The following BTBD9 variants were observed in gnomAD, a reference collection of about 807,000 sequenced individuals.
BTBD9 encodes the protein BTB/POZ domain-containing protein 9.
In BTBD9, 49 loss-of-function variants were observed where a neutral mutation model predicts 64.3. The observed-to-expected ratio is 0.76, with a 90% CI of 0.61 to 0.97. The LOEUF (loss-of-function observed/expected upper bound fraction) is 0.97. BTBD9 is among the 50% of genes least tolerant of loss of function. The pLI is 0.00. For synonymous variants in BTBD9, 260 were observed against 274.7 expected (o/e 0.95, Z 0.53); for missense variants, 598 against 762.1 (o/e 0.78, Z 2.53).
chr6:38,395,687 G>A (rs1423414679), intron 6 of BTBD9, among the ~76,000 whole-genome samples: 1 of 151,154 alleles, frequency 6.6e-6, no homozygotes, highest in Non-Finnish European at 1.5e-5. Context: ...TAGAAACTGT[G>A]AGATAATAAA....
chr6:38,414,603 G>C (rs970595333), intron 6 of BTBD9, among the ~76,000 whole-genome samples: 39 of 152,004 alleles, frequency 2.6e-4, no homozygotes, highest in African/African-American at 8.2e-4. Context: ...CATGCTGCCT[G>C]CCATTGGTCT....
intron 10 of BTBD9, among the ~76,000 whole-genome samples, chr6:38,180,389 G>A (rs747192894): frequency 2.5e-4 from 38 of 152,222 alleles, no homozygotes; most frequent in Non-Finnish European, 4.6e-4. Context: ...GGAGCTGGAG[G>A]AGGGTGATGG....
chr6:38,194,841 T>G (rs960557971), intron 9 of BTBD9, among the ~76,000 whole-genome samples: 3 of 149,056 alleles, frequency 2.0e-5, no homozygotes, highest in Non-Finnish European at 4.4e-5. Context: ...CCCTTGCTTC[T>G]GCATGGGGAG....
At chr6:38,468,142 G>A (rs927966288) in intron 6 of BTBD9, among the ~76,000 whole-genome samples, 2 of 152,052 alleles carry the variant, frequency 1.3e-5, no homozygotes, top group South Asian at 4.1e-4. Context: ...GCTTCCCGAA[G>A]TGCTGAGATT....
chr6:38,370,364 A>G (rs1765368256), intron 6 of BTBD9, among the ~76,000 whole-genome samples: 1 of 152,264 alleles, frequency 6.6e-6, no homozygotes, highest in Non-Finnish European at 1.5e-5. Context: ...AACAGAATTG[A>G]AAACAAATGA....
chr6:38,372,615 G>A (rs1765471475), intron 6 of BTBD9, among the ~76,000 whole-genome samples: 1 of 152,070 alleles, frequency 6.6e-6, no homozygotes, highest in African/African-American at 2.4e-5. Context: ...CCTTTTTAGG[G>A]GCTATGTTCT....
At chr6:38,561,858 TA>T (rs1436152261) in intron 6 of BTBD9, among the ~76,000 whole-genome samples, 1 of 152,128 alleles carries the variant, frequency 6.6e-6, no homozygotes, top group Non-Finnish European at 1.5e-5. Flanking sequence ...GGACCATTTG[TA>T]ACCTAAACCT....
At chr6:38,331,125 C>T (rs1225983621) in intron 7 of BTBD9, among the ~76,000 whole-genome samples, 1 of 152,202 alleles carries the variant, frequency 6.6e-6, no homozygotes, top group Non-Finnish European at 1.5e-5. Context: ...TGAGAGAAGA[C>T]ATTTGCAATG....
In BTBD9 at chr6:38,565,460, T is replaced by C. The variant is rs563039043; in HGVS notation, c.1154+12140A>G. On this transcript the variant is annotated intron_variant, in intron 6 of 10. Transcript: ENST00000481247. ...ACCACTGTTCCCATGAGATGACCTC[T>C]TGGGAAAAGCCCTATAAAACCATCT... Among the ~76,000 whole-genome samples the C allele has an allele frequency of 2.3e-4, 35 of 151,180 alleles. No individual in the cohort carries two copies. In the South Asian group the frequency reaches 6.4e-3, roughly 28 times the overall value.
At chr6:38,227,967 T>C (rs879730095) in intron 9 of BTBD9, among the ~76,000 whole-genome samples, 6 of 151,318 alleles carry the variant, frequency 4.0e-5, no homozygotes, top group Non-Finnish European at 8.9e-5. Context: ...TACTGGAGAG[T>C]TGGGGAGTAG....
At chr6:38,386,630 CTTTT>C (rs11423572) in intron 6 of BTBD9, among the ~76,000 whole-genome samples, 10 of 92,782 alleles carry the variant, frequency 1.1e-4, no homozygotes, top group African/African-American at 2.7e-4. Flanking sequence ...CCAGTTTACT[CTTTT>C]TTTTTTTTTT....
intron 9 of BTBD9, among the ~76,000 whole-genome samples, chr6:38,245,713 G>T (rs139281935): frequency 2.0e-5 from 3 of 152,132 alleles, no homozygotes; most frequent in African/African-American, 7.2e-5. Flanking sequence ...AATGTGGGGG[G>T]GTCAGTCAGT....
intron 6 of BTBD9, among the ~76,000 whole-genome samples, chr6:38,521,473 G>T (rs1339484431): frequency 6.6e-6 from 1 of 152,142 alleles, no homozygotes; most frequent in Non-Finnish European, 1.5e-5. Flanking sequence ...TCAGATTTCA[G>T]AATATCTGCA....
At chr6:38,309,187 T>C (rs1054537273) in intron 7 of BTBD9, among the ~76,000 whole-genome samples, 28 of 151,148 alleles carry the variant, frequency 1.9e-4, no homozygotes, top group African/African-American at 2.7e-4. Flanking sequence ...CTGGCCAACA[T>C]GGTGAAACCC....
chr6:38,548,790 T>C (rs947406184), intron 6 of BTBD9, among the ~76,000 whole-genome samples: 1 of 152,296 alleles, frequency 6.6e-6, no homozygotes. Context: ...TGTTGTAACC[T>C]GATAAAAGGG....
chr6:38,483,613 C>T (rs1481531715), intron 6 of BTBD9, among the ~76,000 whole-genome samples: 1 of 152,106 alleles, frequency 6.6e-6, no homozygotes, highest in Non-Finnish European at 1.5e-5. Context: ...TCTGTCTGCC[C>T]TCATTGCTAA....
chr6:38,337,334 T>G (rs552300363), intron 7 of BTBD9, among the ~76,000 whole-genome samples: 3 of 152,248 alleles, frequency 2.0e-5, no homozygotes, highest in Non-Finnish European at 4.4e-5. Flanking sequence ...CCAAAAATTT[T>G]ACAGCATTCT....
rs537463522 is a variant in BTBD9, at chr6:38,197,884, T to C, written c.1563-5287A>G. On this transcript the variant is annotated intron_variant, in intron 9 of 10. Coordinates refer to ENST00000481247, the MANE Select transcript of BTBD9 (RefSeq NM_001099272.2). Reference sequence around the variant, plus strand: ...TGACTCAGGAAAACGTACAGGTCTGTAAAATAGTGTGAAATATTCTGGAAG... The same window carrying C: ...TGACTCAGGAAAACGTACAGGTCTGCAAAATAGTGTGAAATATTCTGGAAG... Among the ~76,000 whole-genome samples, 4 of 152,326 alleles carry C rather than the reference T, an allele frequency of 2.6e-5. No individual in the cohort carries two copies. In the South Asian group the frequency reaches 8.3e-4, roughly 32 times the overall value.
chr6:38,506,181 G>T (rs575204446), intron 6 of BTBD9, among the ~76,000 whole-genome samples: 128 of 152,128 alleles, frequency 8.4e-4, no homozygotes, highest in Non-Finnish European at 1.6e-3. Context: ...TTACACAGAT[G>T]ATCCTTGTTT....
Sources: gnomAD v4.1 joint callset for allele counts (sites outside exome capture counted in the v4.1 genomes callset) on GRCh38, gnomAD v4.1.1 for gene constraint, MANE v1.5 for transcripts, NCBI Gene and HGNC (gene_info 2026-07-23, HGNC 2026-07-21) for gene names.